The following CAMK2D variants were observed in gnomAD, a reference collection of about 807,000 sequenced individuals.
CAMK2D encodes calcium/calmodulin-dependent protein kinase type II subunit delta.
Under a neutral mutation model 84.0 loss-of-function variants are expected in CAMK2D, and 37 were observed. That is an observed-to-expected ratio of 0.44 (90% CI 0.34 to 0.58). The LOEUF (loss-of-function observed/expected upper bound fraction) is 0.58. CAMK2D is among the 20% of genes least tolerant of loss of function. The pLI, the probability that CAMK2D is intolerant of heterozygous loss-of-function variation, is 0.02. For synonymous variants in CAMK2D, 202 were observed against 212.5 expected (o/e 0.95, Z 0.43); for missense variants, 448 against 652.5 (o/e 0.69, Z 3.41).
chr4:113,533,128 G>A (rs1054580793), intron 7 of CAMK2D, among the ~76,000 whole-genome samples: 1 of 151,990 alleles, frequency 6.6e-6, no homozygotes, highest in Non-Finnish European at 1.5e-5. Context: ...GTTACTATGT[G>A]AGGAAGAAAT....
At chr4:113,621,959 T>C (rs2099048097) in intron 3 of CAMK2D, among the ~76,000 whole-genome samples, 1 of 152,220 alleles carries the variant, frequency 6.6e-6, no homozygotes, top group Admixed American at 6.5e-5. Flanking sequence ...TCTTCATCTA[T>C]ATGGGGCTAC....
At chr4:113,461,961 TG>T (rs1444758006) in intron 17 of CAMK2D, among the ~76,000 whole-genome samples, 3 of 152,204 alleles carry the variant, frequency 2.0e-5, no homozygotes, top group Admixed American at 2.0e-4. Context: ...GCCTTAAAGA[TG>T]ATGGGGGCAA....
chr4:113,709,762 T>TACTATATATATATA (rs2099485153), intron 2 of CAMK2D, among the ~76,000 whole-genome samples: 3 of 116,146 alleles, frequency 2.6e-5, no homozygotes, highest in African/African-American at 1.2e-4. Flanking sequence ...TATATATATA[T>TACTATATATATATA]ATATATATAT....
At chr4:113,554,052 T>A (rs1486495119) in intron 4 of CAMK2D, among the ~76,000 whole-genome samples, 1 of 152,124 alleles carries the variant, frequency 6.6e-6, no homozygotes. Context: ...TTAATAAACA[T>A]TGATTAAAGT....
intron 16 of CAMK2D, among the ~76,000 whole-genome samples, chr4:113,486,516 C>G (rs772738096): frequency 1.2e-4 from 19 of 152,122 alleles, no homozygotes; most frequent in Non-Finnish European, 1.9e-4. Flanking sequence ...AAACTCACAG[C>G]AAAGACACAG....
intron 4 of CAMK2D, among the ~76,000 whole-genome samples, chr4:113,595,553 T>C (rs1014654472): frequency 6.6e-6 from 1 of 151,840 alleles, no homozygotes; most frequent in African/African-American, 2.4e-5. Context: ...TATTATAAGA[T>C]ACCGATACTA....
intron 3 of CAMK2D, among the ~76,000 whole-genome samples, chr4:113,620,511 G>GTTTTT (rs745615702): frequency 7.0e-6 from 1 of 141,880 alleles, no homozygotes; most frequent in Non-Finnish European, 1.6e-5. Context: ...TTTTACAAGA[G>GTTTTT]TTTTTTTTTT....
chr4:113,457,121 T>G, intron 19 of CAMK2D: 1 of 1,246,166 alleles, frequency 8.0e-7, no homozygotes, highest in Non-Finnish European at 1.1e-6. Context: ...AAACCTATCA[T>G]ATACTGCTCT....
intron 4 of CAMK2D, among the ~76,000 whole-genome samples, chr4:113,602,377 T>C (rs182518181): frequency 6.6e-6 from 1 of 152,342 alleles, no homozygotes; most frequent in Non-Finnish European, 1.5e-5. Context: ...TAAAAATTAT[T>C]TTTTGCTGAA....
chr4:113,639,064 G>A (rs949695229), intron 3 of CAMK2D, among the ~76,000 whole-genome samples: 2 of 146,572 alleles, frequency 1.4e-5, no homozygotes, highest in South Asian at 4.3e-4. Flanking sequence ...GCAACATAGC[G>A]AAACTTTGCC....
At chr4:113,541,167 T>C (rs1282490609) in intron 6 of CAMK2D, among the ~76,000 whole-genome samples, 2 of 152,220 alleles carry the variant, frequency 1.3e-5, no homozygotes, top group African/African-American at 2.4e-5. Flanking sequence ...CTTTCAGAAC[T>C]GGAAGAGACT....
intron 2 of CAMK2D, among the ~76,000 whole-genome samples, chr4:113,739,009 C>A (rs1333311842): frequency 6.6e-6 from 1 of 152,108 alleles, no homozygotes; most frequent in Non-Finnish European, 1.5e-5. Context: ...ATGCAACTTT[C>A]TTTGTTCTTT....
intron 3 of CAMK2D, among the ~76,000 whole-genome samples, chr4:113,659,356 T>C (rs1275659205): frequency 6.6e-6 from 1 of 152,228 alleles, no homozygotes; most frequent in Non-Finnish European, 1.5e-5. Flanking sequence ...CTTTAGCCAA[T>C]GTTGTGGGCA....
chr4:113,597,788 T>A (rs1156431413), intron 4 of CAMK2D, among the ~76,000 whole-genome samples: 2 of 152,226 alleles, frequency 1.3e-5, no homozygotes, highest in Non-Finnish European at 2.9e-5. Context: ...TTTCTAGGTT[T>A]TGATTTAAAA....
intron 2 of CAMK2D, among the ~76,000 whole-genome samples, chr4:113,711,682 T>C (rs1481059601): frequency 2.0e-5 from 3 of 152,166 alleles, no homozygotes; most frequent in African/African-American, 7.2e-5. Flanking sequence ...TTATAACGGC[T>C]ATCACAGTGA....
intron 2 of CAMK2D, among the ~76,000 whole-genome samples, chr4:113,753,305 G>C (rs938784476): frequency 6.6e-6 from 1 of 151,784 alleles, no homozygotes; most frequent in Non-Finnish European, 1.5e-5. Flanking sequence ...TATTATTAAT[G>C]ATGAAGATGG....
intron 2 of CAMK2D, among the ~76,000 whole-genome samples, chr4:113,748,403 A>G (rs1562208528): frequency 6.6e-6 from 1 of 152,146 alleles, no homozygotes; most frequent in African/African-American, 2.4e-5. Context: ...ACAGGAAGTA[A>G]TTAGGCAAGA....
At chr4:113,666,142 C>G (rs894529589) in intron 2 of CAMK2D, among the ~76,000 whole-genome samples, 3 of 152,136 alleles carry the variant, frequency 2.0e-5, no homozygotes, top group African/African-American at 7.2e-5. Context: ...AGTGCTAGCC[C>G]TGATTCACTT....
intron 2 of CAMK2D, among the ~76,000 whole-genome samples, chr4:113,741,512 A>C (rs548415416): frequency 6.6e-6 from 1 of 152,298 alleles, no homozygotes; most frequent in South Asian, 2.1e-4. Flanking sequence ...CAGTATATAT[A>C]GTTTTGTGCA....
Sources: allele counts gnomAD v4.1 joint callset (sites outside exome capture counted in the v4.1 genomes callset), GRCh38; gene constraint gnomAD v4.1.1; transcripts MANE v1.5; gene names NCBI Gene and HGNC (gene_info 2026-07-23, HGNC 2026-07-21).